ANKRD31: variants seen among roughly 807,000 people sequenced by gnomAD.
ANKRD31 encodes the protein ankyrin repeat domain 31.
A neutral mutation model predicts 186.0 loss-of-function variants in ANKRD31; 147 were observed. The observed-to-expected ratio is 0.79, with a 90% CI of 0.69 to 0.91. ANKRD31 has a LOEUF of 0.91. Among genes scored for constraint, ANKRD31 ranks in the 40% least tolerant of loss-of-function variants. The pLI, the probability that ANKRD31 is intolerant of heterozygous loss-of-function variation, is 0.00. For missense variants in ANKRD31, 1,986 were observed against 2,148.8 expected (o/e 0.92, Z 1.50); for synonymous variants, 673 against 736.4 (o/e 0.91, Z 1.39).
At chr5:75,162,965 CTT>C (rs1752671560) in intron 11 of ANKRD31, among the ~76,000 whole-genome samples, 1 of 152,044 alleles carries the variant, frequency 6.6e-6, no homozygotes, top group Non-Finnish European at 1.5e-5. Context: ...ACCTGTATGT[CTT>C]TTTTTAAGCT....
At chr5:75,087,221 T>C (rs1745558733) in intron 23 of ANKRD31, among the ~76,000 whole-genome samples, 1 of 152,122 alleles carries the variant, frequency 6.6e-6, no homozygotes, top group African/African-American at 2.4e-5. Context: ...TAGAAATCTG[T>C]TCGTGGATGG....
At chr5:75,174,467 A>G (rs1753609571) in intron 10 of ANKRD31, among the ~76,000 whole-genome samples, 2 of 152,206 alleles carry the variant, frequency 1.3e-5, no homozygotes, top group African/African-American at 4.8e-5. Context: ...ATGGGAGAAC[A>G]TTTTTGCACT....
intron 23 of ANKRD31, among the ~76,000 whole-genome samples, 177 bp from the exon 24 acceptor site, chr5:75,084,551 T>C (rs1399962041): frequency 6.6e-6 from 1 of 152,230 alleles, no homozygotes; most frequent in Admixed American, 6.5e-5. Flanking sequence ...TAATGTTTTA[T>C]TGGAAAACAG....
At chr5:75,135,173 C>G (rs1050778013) in intron 17 of ANKRD31, among the ~76,000 whole-genome samples, 2 of 152,110 alleles carry the variant, frequency 1.3e-5, no homozygotes, top group African/African-American at 4.8e-5. Context: ...CCAGGGCAAT[C>G]AGGTAGGAGA....
chr5:75,106,782 G>A (rs964706801), intron 21 of ANKRD31, among the ~76,000 whole-genome samples: 1 of 151,698 alleles, frequency 6.6e-6, no homozygotes, highest in Non-Finnish European at 1.5e-5. Context: ...GAAACAGAAG[G>A]GAACTTGTGT....
At chr5:75,107,373 G>A (rs1747410116) in intron 21 of ANKRD31, 148 bp downstream of exon 21, 1 of 555,148 alleles carries the variant, frequency 1.8e-6, no homozygotes, top group Non-Finnish European at 3.1e-6. Flanking sequence ...ATTTTCCATG[G>A]TAGTAACGGA....
intron 17 of ANKRD31, among the ~76,000 whole-genome samples, chr5:75,132,099 C>T (rs892738356): frequency 4.6e-5 from 7 of 152,304 alleles, no homozygotes; most frequent in East Asian, 3.9e-4. Flanking sequence ...AAAATCAGAG[C>T]GCCTCTTCTC....
intron 5 of ANKRD31, among the ~76,000 whole-genome samples, chr5:75,202,459 A>G (rs1044832976): frequency 2.4e-4 from 37 of 152,170 alleles, no homozygotes; most frequent in African/African-American, 8.7e-4. Flanking sequence ...AGAATTTTCA[A>G]ATTTTCCACT....
chr5:75,232,684 A>C (rs1011157337), intron 1 of ANKRD31, among the ~76,000 whole-genome samples: 3 of 152,194 alleles, frequency 2.0e-5, no homozygotes, highest in Non-Finnish European at 4.4e-5. Context: ...GTCAAAACTC[A>C]GAACCATACT....
intron 2 of ANKRD31, among the ~76,000 whole-genome samples, chr5:75,223,373 T>C (rs892362359): frequency 2.6e-5 from 4 of 152,308 alleles, no homozygotes; most frequent in South Asian, 2.1e-4. Flanking sequence ...AGAAAGTACA[T>C]AGACTTAAAC....
chr5:75,165,425 G>GTAT (rs1752850595), intron 11 of ANKRD31, among the ~76,000 whole-genome samples: 1 of 152,022 alleles, frequency 6.6e-6, no homozygotes, highest in Non-Finnish European at 1.5e-5. Flanking sequence ...TTCAATTACT[G>GTAT]TATTAAGAAA....
In ANKRD31 at chr5:75,193,570, A is replaced by T. The variant is rs184824281; in HGVS notation, c.1039T>A (p.Ser347Thr). ...TGATGAGCCAAAGTTTGCAATCCAGATGGATTTGGGTCTTGCAGAGTCTGC... is the reference window on the plus strand; with the variant it reads ...TGATGAGCCAAAGTTTGCAATCCAGTTGGATTTGGGTCTTGCAGAGTCTGC... Reference protein sequence around the residue: ...IAETLQDPNPSGLQTLAHQNI... With the variant: ...IAETLQDPNPTGLQTLAHQNI... The change falls in exon 8 of 26, where the codon TCT (serine) becomes ACT (threonine). Residue 347 changes from serine (S) to threonine (T), a missense_variant. Physicochemically the swap from Ser to Thr is moderately conservative, Grantham distance 58. Coordinates refer to ENST00000506364, the MANE Select transcript of ANKRD31 (RefSeq NM_001372053.1). 7.8e-6 allele frequency: 12 copies of T among 1,536,472 alleles called. No homozygotes were observed. In the East Asian group the frequency reaches 2.7e-4, roughly 34 times the overall value.
At chr5:75,224,186 T>TATATATATATATA (rs1757502195) in intron 2 of ANKRD31, among the ~76,000 whole-genome samples, 1 of 137,226 alleles carries the variant, frequency 7.3e-6, no homozygotes, top group Non-Finnish European at 1.5e-5. Flanking sequence ...TATACACACA[T>TATATATATATATA]TTCTTCCATT....
At chr5:75,183,479 C>T (rs1046520974) in intron 10 of ANKRD31, among the ~76,000 whole-genome samples, 1 of 152,014 alleles carries the variant, frequency 6.6e-6, no homozygotes, top group Non-Finnish European at 1.5e-5. Flanking sequence ...GTCAAATTGT[C>T]CCTGGTTGTG....
chr5:75,130,434 A>G (rs1749687753), intron 17 of ANKRD31, among the ~76,000 whole-genome samples: 1 of 152,032 alleles, frequency 6.6e-6, no homozygotes, highest in Non-Finnish European at 1.5e-5. Flanking sequence ...CCTACATCCT[A>G]CTGATTGGTC....
intron 22 of ANKRD31, among the ~76,000 whole-genome samples, chr5:75,094,670 T>A (rs1474431870): frequency 1.3e-5 from 2 of 151,946 alleles, no homozygotes; most frequent in African/African-American, 2.4e-5. Flanking sequence ...ATAGAAGACA[T>A]AAATCCAACA....
chr5:75,177,363 A>G (rs1359659662), intron 10 of ANKRD31, among the ~76,000 whole-genome samples: 4 of 152,182 alleles, frequency 2.6e-5, no homozygotes, highest in African/African-American at 9.7e-5. Context: ...CCAACATTCA[A>G]ATTCAGGAAA....
rs1377203950 is a variant in ANKRD31, at chr5:75,146,397, G to A, written c.3014C>T (p.Pro1005Leu). ...GPSFDHSNGN[P>L]EQNSLACMRT... ...CATACAAGCCAGGGAATTTTGCTCA[G>A]GATTGCCATTTGAGTGATCAAAAGA... Residue 1005 changes from proline to leucine, a missense_variant, in exon 14 of 26, where the codon CCT becomes CTT. Physicochemically the swap from Pro to Leu is moderately conservative, Grantham distance 98. Transcript: ENST00000506364. 2.6e-6 allele frequency: 4 copies of A among 1,536,488 alleles called. No individual in the cohort carries two copies. Among genetic ancestry groups the A allele is most frequent in the Non-Finnish European group, 3.5e-6 (4 of 1,146,468 alleles).
chr5:75,193,863 C>T (rs887653855), intron 7 of ANKRD31, among the ~76,000 whole-genome samples: 2 of 152,070 alleles, frequency 1.3e-5, no homozygotes, highest in African/African-American at 4.8e-5. Flanking sequence ...TCTATGGTCA[C>T]TCTAGGAGTT....
Sources: gnomAD v4.1 joint callset for allele counts (sites outside exome capture counted in the v4.1 genomes callset) on GRCh38, gnomAD v4.1.1 for gene constraint, MANE v1.5 for transcripts, NCBI Gene and HGNC (gene_info 2026-07-23, HGNC 2026-07-21) for gene names.